ADAMTS6: variants seen among roughly 807,000 people sequenced by gnomAD.
The protein encoded by ADAMTS6 is A disintegrin and metalloproteinase with thrombospondin motifs 6.
A neutral mutation model predicts 144.3 loss-of-function variants in ADAMTS6; 23 were observed. The ratio of observed to expected loss-of-function variants is 0.16; its 90% confidence interval spans 0.11 to 0.23. The LOEUF (loss-of-function observed/expected upper bound fraction) is 0.23, where lower values mean the gene tolerates loss of function less well. Ranked by LOEUF, ADAMTS6 falls within the 10% of genes least tolerant of loss-of-function variation. The pLI, the probability that ADAMTS6 is intolerant of heterozygous loss-of-function variation, is 1.00. For missense variants in ADAMTS6, 999 were observed against 1,379.6 expected, an observed-to-expected ratio of 0.72 and a Z score of 4.37; for synonymous variants, 444 against 457.5, an observed-to-expected ratio of 0.97 and a Z score of 0.38.
At chr5:65,276,046 C>T (rs2112675795) in intron 11 of ADAMTS6, among the ~76,000 whole-genome samples, 1 of 152,206 alleles carries the variant, frequency 6.6e-6, no homozygotes, top group Non-Finnish European at 1.5e-5. Context: ...AAAGACGATA[C>T]TTATTGCATC....
intron 7 of ADAMTS6, among the ~76,000 whole-genome samples, chr5:65,352,781 AAAGT>A (rs770262516): frequency 6.6e-6 from 1 of 152,094 alleles, no homozygotes; most frequent in African/African-American, 2.4e-5. Context: ...TTCCAATTAA[AAAGT>A]AAGATAACAC....
intron 7 of ADAMTS6, among the ~76,000 whole-genome samples, chr5:65,435,496 A>G (rs1580701885): frequency 6.6e-6 from 1 of 152,162 alleles, no homozygotes; most frequent in Non-Finnish European, 1.5e-5. Flanking sequence ...TACTATAAGA[A>G]TGTTAATTTA....
chr5:65,461,002 A>AT (rs1759605313), intron 3 of ADAMTS6, among the ~76,000 whole-genome samples: 1 of 152,224 alleles, frequency 6.6e-6, no homozygotes, highest in South Asian at 2.1e-4. Flanking sequence ...CATCCCATAC[A>AT]TCCCCCATTC....
At chr5:65,260,573 T>G in intron 14 of ADAMTS6, 27 bp downstream of exon 14, 1 of 1,605,534 alleles carries the variant, frequency 6.2e-7, no homozygotes, top group Non-Finnish European at 8.5e-7. Flanking sequence ...AAGCTAATTT[T>G]TCATAACAGA....
At chr5:65,381,529 ATTT>A (rs748143650) in intron 7 of ADAMTS6, among the ~76,000 whole-genome samples, 54 of 103,122 alleles carry the variant, frequency 5.2e-4, no homozygotes, top group Admixed American at 2.2e-3. Context: ...TGCCTGGCTA[ATTT>A]TTTTTTTTTT....
At chr5:65,333,997 T>TAAAAAAAAAAAAAAAAAA (rs750637450) in intron 8 of ADAMTS6, 45 bp downstream of exon 8, 392 of 842,326 alleles carry the variant, frequency 4.7e-4, no homozygotes, top group East Asian at 8.2e-4. Flanking sequence ...CTACCTTTAT[T>TAAAAAAAAAAAAAAAAAA]AAAAAAAAAA....
intron 18 of ADAMTS6, among the ~76,000 whole-genome samples, chr5:65,222,440 C>A (rs991886451): frequency 2.0e-5 from 3 of 152,094 alleles, no homozygotes; most frequent in Non-Finnish European, 4.4e-5. Flanking sequence ...TTACTTTATA[C>A]CTTATATAAA....
intron 20 of ADAMTS6, among the ~76,000 whole-genome samples, chr5:65,205,875 A>G (rs1330612947): frequency 6.6e-6 from 1 of 152,208 alleles, no homozygotes; most frequent in Non-Finnish European, 1.5e-5. Context: ...GAGGAAGGAA[A>G]CATATTCAGG....
chr5:65,406,221 C>T (rs535470773), intron 7 of ADAMTS6, among the ~76,000 whole-genome samples: 125 of 152,130 alleles, frequency 8.2e-4, no homozygotes, highest in South Asian at 1.4e-3. Context: ...CCTTGTCTTG[C>T]ACCAGTTTTC....
In ADAMTS6 at chr5:65,241,973, C is replaced by T. The variant is rs530449352; in HGVS notation, c.1933+131G>A. ...CCTTTATAGTACTATAAGCATTTCC[C>T]TGCTTTTGTTGGCAAACACTAATTT... On this transcript the variant is annotated intron_variant, in intron 15 of 24. Coordinates refer to ENST00000381055, the MANE Select transcript of ADAMTS6 (RefSeq NM_197941.4). 10 of 503,372 alleles carry T rather than the reference C, an allele frequency of 2.0e-5. No homozygotes were observed. In the South Asian group the frequency reaches 2.7e-4, roughly 14 times the overall value. 31.2% of individuals were successfully genotyped at this position (503,372 alleles called of 1,614,324 possible). A position where few individuals can be genotyped will look rare whatever the true frequency, so the allele number is the denominator to read the frequency against.
intron 24 of ADAMTS6, among the ~76,000 whole-genome samples, chr5:65,168,047 G>A (rs1243895616): frequency 6.6e-6 from 1 of 150,762 alleles, no homozygotes; most frequent in African/African-American, 2.4e-5. Flanking sequence ...AATCAGGCAG[G>A]AGAAGGAAAT....
In ADAMTS6 at chr5:65,210,567, C is replaced by T. The variant is rs1402114385; in HGVS notation, c.2575+4227G>A. ...TCTTTATCTGCTATCTGGATGCAGG[C>T]CTTGCCAGAACTACCACTGGCAATA... On this transcript the variant is annotated intron_variant, in intron 20 of 24. Transcript: ENST00000381055. The T allele has an allele frequency of 1.1e-5, 6 of 556,448 alleles. No individual in the cohort carries two copies. The East Asian group carries it at 2.0e-4, about 19-fold the overall frequency. 34.5% of individuals were successfully genotyped at this position (556,448 alleles called of 1,614,324 possible).
intron 7 of ADAMTS6, among the ~76,000 whole-genome samples, chr5:65,404,306 C>T (rs1021479009): frequency 1.3e-5 from 2 of 152,054 alleles, no homozygotes; most frequent in Non-Finnish European, 2.9e-5. Context: ...TGCCCCTACC[C>T]CATGACAGGC....
At chr5:65,396,061 C>T (rs1268084263) in intron 7 of ADAMTS6, among the ~76,000 whole-genome samples, 1 of 152,070 alleles carries the variant, frequency 6.6e-6, no homozygotes, top group Non-Finnish European at 1.5e-5. Context: ...AAAATAAATA[C>T]ATAAAATTAA....
chr5:65,291,934 ATG>A (rs1742357985), intron 10 of ADAMTS6, among the ~76,000 whole-genome samples: 1 of 152,218 alleles, frequency 6.6e-6, no homozygotes, highest in Non-Finnish European at 1.5e-5. Context: ...GTGTTAAGGC[ATG>A]TCCATAGGTT....
intron 9 of ADAMTS6, among the ~76,000 whole-genome samples, chr5:65,308,231 A>C (rs998530927): frequency 5.9e-5 from 9 of 152,316 alleles, no homozygotes; most frequent in African/African-American, 1.9e-4. Context: ...TAGGTACTTC[A>C]CTGGAGTGTT....
intron 7 of ADAMTS6, among the ~76,000 whole-genome samples, chr5:65,443,541 G>A (rs1039132398): frequency 4.7e-5 from 7 of 147,916 alleles, no homozygotes; most frequent in Admixed American, 4.1e-4. Flanking sequence ...AGGACTGCTT[G>A]AGCCTGGGAG....
intron 24 of ADAMTS6, among the ~76,000 whole-genome samples, chr5:65,160,185 A>C (rs1752665705): frequency 1.3e-5 from 2 of 152,074 alleles, no homozygotes; most frequent in Admixed American, 1.3e-4. Context: ...GGTAGAGTTG[A>C]AGTGGTTTTT....
chr5:65,226,063 G>A lies in ADAMTS6; in HGVS notation c.2067+23C>T, dbSNP rs368860279. On this transcript the variant is annotated intron_variant, in intron 16 of 24. Transcript: ENST00000381055. ...GATAAAAGTCTCAAAAACCCCAACA[G>A]AAAGGAGTAAAATCTGAGCAACCTT... is the stretch of plus-strand genomic sequence containing the variant. 6.7e-5 allele frequency: 106 copies of A among 1,584,462 alleles called. No individual in the cohort carries two copies. The African/African-American group carries it at 1.2e-3, about 19-fold the overall frequency.
Sources: gnomAD v4.1 joint callset for allele counts (sites outside exome capture counted in the v4.1 genomes callset) on GRCh38, gnomAD v4.1.1 for gene constraint, MANE v1.5 for transcripts, NCBI Gene and HGNC (gene_info 2026-07-23, HGNC 2026-07-21) for gene names.